Variants in PHLDB2 observed in about 807,000 individuals in gnomAD.
PHLDB2 encodes pleckstrin homology like domain family B member 2.
In PHLDB2, 71 loss-of-function variants were observed where a neutral mutation model predicts 123.6. The observed-to-expected ratio is 0.57, with a 90% CI of 0.47 to 0.70. PHLDB2 has a LOEUF of 0.70. Ranked by LOEUF, PHLDB2 falls within the 30% of genes least tolerant of loss-of-function variation. PHLDB2 has a pLI of 0.00. For synonymous variants in PHLDB2, 547 were observed against 541.6 expected, an observed-to-expected ratio of 1.01 and a Z score of -0.14; for missense variants, 1,446 against 1,519.5, an observed-to-expected ratio of 0.95 and a Z score of 0.80.
At chr3:111,791,324 T>C (rs1279498834) in intron 1 of PHLDB2, among the ~76,000 whole-genome samples, 1 of 152,208 alleles carries the variant, frequency 6.6e-6, no homozygotes, top group African/African-American at 2.4e-5. Context: ...GAGTGGACTT[T>C]CTGGGTCTTA....
At chr3:111,874,254 C>T (rs988547082) in intron 1 of PHLDB2, among the ~76,000 whole-genome samples, 2 of 152,146 alleles carry the variant, frequency 1.3e-5, no homozygotes, top group African/African-American at 2.4e-5. Flanking sequence ...TCACTGGATT[C>T]GCCCCACTCT....
At chr3:111,948,644 G>A (rs745767542) in intron 9 of PHLDB2, among the ~76,000 whole-genome samples, 1 of 152,130 alleles carries the variant, frequency 6.6e-6, no homozygotes, top group South Asian at 2.1e-4. Flanking sequence ...CAGAATGAAT[G>A]CTGATACTTC....
At chr3:111,914,937 G>T (rs895344745) in intron 3 of PHLDB2, 2 of 151,662 alleles carry the variant, frequency 1.3e-5, no homozygotes, top group Non-Finnish European at 2.9e-5. Flanking sequence ...TTTCACACAG[G>T]TTAAGAATTT....
At chr3:111,864,482 G>C (rs913664134) in intron 1 of PHLDB2, among the ~76,000 whole-genome samples, 1 of 152,196 alleles carries the variant, frequency 6.6e-6, no homozygotes, top group Admixed American at 6.5e-5. Flanking sequence ...TTTGCTTACA[G>C]TTGTTTTCAT....
chr3:111,955,957 T>G (rs1577189120), intron 12 of PHLDB2, among the ~76,000 whole-genome samples: 1 of 152,256 alleles, frequency 6.6e-6, no homozygotes, highest in East Asian at 1.9e-4. Context: ...TCTCAGCACC[T>G]TGGGAGGCTG....
At chr3:111,792,959 C>T (rs980782580) in intron 1 of PHLDB2, among the ~76,000 whole-genome samples, 1 of 152,184 alleles carries the variant, frequency 6.6e-6, no homozygotes, top group Non-Finnish European at 1.5e-5. Flanking sequence ...CCTGTGGCCA[C>T]CAACACTGGG....
intron 5 of PHLDB2, among the ~76,000 whole-genome samples, chr3:111,923,086 T>C (rs1386979678): frequency 1.3e-5 from 2 of 152,234 alleles, no homozygotes; most frequent in East Asian, 1.9e-4. Flanking sequence ...CTCTTCATCA[T>C]AGCTAAACTT....
intron 1 of PHLDB2, among the ~76,000 whole-genome samples, chr3:111,880,032 A>G (rs1290084321): frequency 1.9e-5 from 2 of 103,340 alleles, no homozygotes; most frequent in East Asian, 3.0e-4. Context: ...CTCTTTGGTG[A>G]TTTTCTTGGC....
intron 1 of PHLDB2, among the ~76,000 whole-genome samples, chr3:111,813,379 T>A (rs983791528): frequency 2.0e-5 from 3 of 152,184 alleles, no homozygotes; most frequent in Non-Finnish European, 4.4e-5. Context: ...ATATTTTTAG[T>A]ATATTTAGTT....
intron 2 of PHLDB2, among the ~76,000 whole-genome samples, chr3:111,852,405 T>C (rs1468157062): frequency 6.7e-6 from 1 of 148,608 alleles, no homozygotes; most frequent in East Asian, 1.9e-4. Context: ...TAGGATTATA[T>C]ATTATAATAA....
chr3:111,862,515 G>C (rs938149335), intron 1 of PHLDB2, among the ~76,000 whole-genome samples: 49 of 152,160 alleles, frequency 3.2e-4, no homozygotes, highest in Non-Finnish European at 5.0e-4. Flanking sequence ...AGTGGGTAGA[G>C]GCCTGGGATG....
At chr3:111,734,310 C>A (rs959742546) in intron 1 of PHLDB2, among the ~76,000 whole-genome samples, 2 of 152,152 alleles carry the variant, frequency 1.3e-5, no homozygotes, top group Non-Finnish European at 2.9e-5. Context: ...TCGGGCATGG[C>A]AACCCATGCC....
chr3:111,839,940 C>CTTTTTTTTTTTTTTTTTT (rs3082317), intron 1 of PHLDB2, among the ~76,000 whole-genome samples: 5 of 64,946 alleles, frequency 7.7e-5, no homozygotes, highest in Non-Finnish European at 7.7e-5. Context: ...CCCACCCCCG[C>CTTTTTTTTTTTTTTTTTT]TTTTTTTTTT....
chr3:111,813,253 A>G (rs9859320), intron 1 of PHLDB2, among the ~76,000 whole-genome samples: 142,950 of 152,252 alleles, frequency 0.94, 67,791 homozygotes, highest in East Asian at 1. Context: ...ATAACAATGT[A>G]TTGTACTTTT....
chr3:111,954,085 AG>A, intron 12 of PHLDB2, 56 bp downstream of exon 12: 1 of 1,494,108 alleles, frequency 6.7e-7, no homozygotes, highest in Admixed American at 1.8e-5. Flanking sequence ...AGAATTCTTC[AG>A]GGGGAGGAAG....
chr3:111,841,385 C>A (rs56265096), intron 1 of PHLDB2, among the ~76,000 whole-genome samples: 1 of 152,142 alleles, frequency 6.6e-6, no homozygotes, highest in Admixed American at 6.5e-5. Context: ...GAAGAGGAAA[C>A]TTCTTGAACC....
At chr3:111,954,060 C>T in intron 12 of PHLDB2, 31 bp downstream of exon 12, 1 of 1,583,428 alleles carries the variant, frequency 6.3e-7, no homozygotes, top group Non-Finnish European at 8.7e-7. Flanking sequence ...GTGTCATGGC[C>T]TTTTGTTAAG....
chr3:111,913,128 T>C (rs1290770623), intron 2 of PHLDB2, among the ~76,000 whole-genome samples, 191 bp from the exon 3 acceptor site: 1 of 152,216 alleles, frequency 6.6e-6, no homozygotes, highest in East Asian at 1.9e-4. Flanking sequence ...AAGTTGGGCA[T>C]TGTTAAACCC....
chr3:111,827,232 C>T (rs1031280518), intron 1 of PHLDB2, among the ~76,000 whole-genome samples: 2 of 152,196 alleles, frequency 1.3e-5, no homozygotes, highest in African/African-American at 4.8e-5. Context: ...TTTTAACCAG[C>T]TGTCTGTTGC....
Sources: gnomAD v4.1 joint callset for allele counts (sites outside exome capture counted in the v4.1 genomes callset) on GRCh38, gnomAD v4.1.1 for gene constraint, MANE v1.5 for transcripts, NCBI Gene and HGNC (gene_info 2026-07-23, HGNC 2026-07-21) for gene names.